Variants in LIG1 observed in about 807,000 individuals in gnomAD.
LIG1 encodes the protein ligase I, DNA, ATP-dependent.
In LIG1, 70 loss-of-function variants were observed where a neutral mutation model predicts 115.7. The observed-to-expected ratio is 0.60, with a 90% CI of 0.50 to 0.74. The LOEUF is 0.74. Ranked by LOEUF, LIG1 falls within the 30% of genes least tolerant of loss-of-function variation. The pLI, the probability that LIG1 is intolerant of heterozygous loss-of-function variation, is 0.00. For missense variants in LIG1, 1,115 were observed against 1,225.6 expected (o/e 0.91, Z 1.35); for synonymous variants, 487 against 495.3 (o/e 0.98, Z 0.22).
Position 48,150,120 on chromosome 19 carries a change from C to G in LIG1, c.665G>C (p.Arg222Pro). The G allele has an allele frequency of 6.2e-7, 1 of 1,614,168 alleles. No individual in the cohort carries two copies. The part of the protein sequence containing the change: ...QEEEEQTKPP[R>P]RAPKTLSSFF... Reference sequence around the variant, plus strand: ...GCTGCTGAGCGTCTTGGGAGCTCTGCGGGGAGGCTTGGTCTGCTCTTCCTC... The same window carrying G: ...GCTGCTGAGCGTCTTGGGAGCTCTGGGGGGAGGCTTGGTCTGCTCTTCCTC... Residue 222 changes from arginine to proline, a missense_variant, in exon 8 of 28, where the codon CGC (arginine) becomes CCC (proline). Physicochemically the swap from Arg to Pro is moderately radical, Grantham distance 103. Coordinates refer to ENST00000263274, the MANE Select transcript of LIG1 (RefSeq NM_000234.3).
intron 19 of LIG1, 31 bp from the exon 20 acceptor site, chr19:48,128,051 G>A (rs759354280): frequency 1.3e-6 from 2 of 1,545,716 alleles, no homozygotes; most frequent in African/African-American, 2.7e-5. Context: ...CCCAGGGCCT[G>A]AGAGAGGTGG....
At chr19:48,136,219 G>A (rs750068977) in intron 14 of LIG1, 94 bp from the exon 15 acceptor site, 45 of 856,204 alleles carry the variant, frequency 5.3e-5, no homozygotes, top group Non-Finnish European at 5.5e-5. Context: ...GATGTATGTA[G>A]ACCCTCTCCT....
intron 1 of LIG1, 79 bp from the exon 2 acceptor site, chr19:48,165,702 A>T: frequency 1.0e-6 from 1 of 1,004,748 alleles, no homozygotes; most frequent in South Asian, 1.4e-5. Flanking sequence ...TTTCTTTAAG[A>T]AAGAAAGAAA....
intron 21 of LIG1, among the ~76,000 whole-genome samples, chr19:48,125,455 C>T (rs906324060): frequency 3.3e-5 from 5 of 152,134 alleles, no homozygotes; most frequent in African/African-American, 7.2e-5. Context: ...TGCATTAGAA[C>T]CACTACCAGC....
chr19:48,133,752 C>A (rs41555716), intron 17 of LIG1, among the ~76,000 whole-genome samples: 1 of 152,260 alleles, frequency 6.6e-6, no homozygotes, highest in South Asian at 2.1e-4. Context: ...CACGCCACCA[C>A]GCCCGGCTCC....
At chr19:48,130,970 C>T (rs767861507) in intron 19 of LIG1, 106 bp downstream of exon 19, 7 of 871,556 alleles carry the variant, frequency 8.0e-6, no homozygotes, top group Non-Finnish European at 1.3e-5. Flanking sequence ...ACCTGATCTC[C>T]TCCCAATAAA....
At position 48,153,965 on chromosome 19, in the gene LIG1, G is replaced by T; in HGVS notation, c.373C>A (p.Arg125=). The part of the protein sequence containing the change: ...PSGIPKRRTA[R]KQLPKRTIQE... ...ATGGTCCGTTTCGGGAGCTGCTTCC[G>T]AGCTGGGGAGGCAAAGGGCTTGGTG... The change falls in exon 6 of 28, where the codon CGG becomes AGG. Residue 125 remains arginine (R), a splice_region_variant and synonymous_variant. Transcript: ENST00000263274. 1.2e-6 allele frequency: 2 copies of T among 1,613,606 alleles called. No individual in the cohort carries two copies. The highest frequency in any genetic ancestry group is 2.2e-5 in the South Asian group (2 of 91,066).
chr19:48,139,911 C>T (rs535512016), intron 12 of LIG1, 60 bp downstream of exon 12: 1 of 1,585,478 alleles, frequency 6.3e-7, no homozygotes, highest in South Asian at 1.1e-5. Flanking sequence ...CACCTGACCT[C>T]TGCATTTTCT....
chr19:48,154,529 AG>A (rs2035714161), intron 5 of LIG1: 1 of 190,988 alleles, frequency 5.2e-6, no homozygotes, highest in South Asian at 1.1e-4. Flanking sequence ...CAGACCCAAC[AG>A]CACATCCTGT....
intron 12 of LIG1, 92 bp downstream of exon 12, chr19:48,139,879 T>C: frequency 7.0e-7 from 1 of 1,434,636 alleles, no homozygotes; most frequent in Non-Finnish European, 9.8e-7. Context: ...TTTCACAGCC[T>C]CTCTCCACCA....
intron 11 of LIG1, 70 bp from the exon 12 acceptor site, chr19:48,140,213 G>GT: frequency 1.5e-6 from 1 of 672,880 alleles, no homozygotes; most frequent in Non-Finnish European, 2.6e-6. Flanking sequence ...GGTGGGGTGG[G>GT]TTTAAGGGGG....
rs373402835 is a variant in LIG1 at position 48,137,502 on chromosome 19, G to A, written c.1254+20C>T. The A allele has an allele frequency of 9.8e-5, 157 of 1,609,692 alleles. 1 individual carries two copies. The highest frequency in any genetic ancestry group is 1.3e-4 in the Non-Finnish European group (152 of 1,179,944). ...CCCCAAGATGTCTGGGGTCCGGGAT[G>A]AGCGGCCCGCCCCACTCACAGCACT... On this transcript the variant is annotated intron_variant, in intron 13 of 27. Coordinates refer to ENST00000263274, the MANE Select transcript of LIG1 (RefSeq NM_000234.3). This position sits in a 1 kb window ranked among gnomAD's most constrained non-coding sequence, Gnocchi z 4.3.
In LIG1 at chr19:48,115,453, C is replaced by G; in HGVS notation, c.*196G>C. On this transcript the variant is annotated 3_prime_UTR_variant, in exon 28 of 28. Coordinates refer to ENST00000263274, the MANE Select transcript of LIG1 (RefSeq NM_000234.3). Reference sequence around the variant, plus strand: ...CAGACCCTGTCACAAAGTAGCTATCCAATAATTATTTATTGAAAGAAATGA... The same window carrying G: ...CAGACCCTGTCACAAAGTAGCTATCGAATAATTATTTATTGAAAGAAATGA... 5 of 611,202 alleles carry G rather than the reference C, an allele frequency of 8.2e-6. No individual in the cohort carries two copies. The highest frequency in any genetic ancestry group is 1.2e-5 in the Non-Finnish European group (4 of 338,362). The allele number at this position is 611,202 out of a possible 1,614,324, so 37.9% of individuals were successfully genotyped here. A position where few individuals can be genotyped will look rare whatever the true frequency, so the allele number is the denominator to read the frequency against.
chr19:48,142,455 A>AAAAAAAAAAAAAAAAAAAC (rs1477820876), intron 11 of LIG1, among the ~76,000 whole-genome samples: 3 of 150,820 alleles, frequency 2.0e-5, no homozygotes, highest in Non-Finnish European at 3.0e-5. Flanking sequence ...AAAAAAAAAA[A>AAAAAAAAAAAAAAAAAAAC]AACAGAGTGC....
At chr19:48,120,496 T>C in intron 24 of LIG1, 1 of 985,264 alleles carries the variant, frequency 1.0e-6, no homozygotes, top group Non-Finnish European at 1.2e-6. Context: ...CCCAAATTTG[T>C]TGGAGAGGGG....
intron 1 of LIG1, among the ~76,000 whole-genome samples, chr19:48,165,911 G>A (rs1015000664): frequency 2.0e-5 from 3 of 151,990 alleles, no homozygotes; most frequent in African/African-American, 7.2e-5. Context: ...GGGTTTTTTT[G>A]GAGTTAAGTT....
At chr19:48,120,416 AT>A in intron 24 of LIG1, 1 of 985,402 alleles carries the variant, frequency 1.0e-6, no homozygotes, top group Non-Finnish European at 1.2e-6. Flanking sequence ...ATTCCCTCAA[AT>A]GTCACTACTG....
intron 4 of LIG1, among the ~76,000 whole-genome samples, 180 bp from the exon 5 acceptor site, chr19:48,157,320 G>A (rs1448305045): frequency 6.6e-6 from 1 of 152,110 alleles, no homozygotes; most frequent in Non-Finnish European, 1.5e-5. Context: ...CTCCAGTGCA[G>A]GATCATGGTC....
intron 18 of LIG1, among the ~76,000 whole-genome samples, chr19:48,131,818 T>C (rs971570181): frequency 2.6e-5 from 4 of 152,242 alleles, no homozygotes; most frequent in African/African-American, 9.6e-5. Flanking sequence ...ATGTTTGTTA[T>C]TATTTCCAGG....
Sources: allele counts gnomAD v4.1 joint callset (sites outside exome capture counted in the v4.1 genomes callset), GRCh38; gene constraint gnomAD v4.1.1; non-coding constraint Gnocchi (gnomAD v3.1); transcripts MANE v1.5; gene names NCBI Gene and HGNC (gene_info 2026-07-23, HGNC 2026-07-21).